Variants in SLC41A2 observed in about 807,000 individuals in gnomAD.
SLC41A2 encodes solute carrier family 41 member 2.
A neutral mutation model predicts 58.3 loss-of-function variants in SLC41A2; 32 were observed. The ratio of observed to expected loss-of-function variants is 0.55; its 90% CI spans 0.41 to 0.74. SLC41A2 has a LOEUF of 0.74. Ranked by LOEUF, SLC41A2 falls within the 30% of genes least tolerant of loss-of-function variation. The probability of loss-of-function intolerance (pLI) is 0.00; values close to 1 mark genes in which losing one functional copy is unlikely to be tolerated. For synonymous variants in SLC41A2, 190 were observed against 235.0 expected, an observed-to-expected ratio of 0.81 and a Z score of 1.75; for missense variants, 514 against 680.6, an observed-to-expected ratio of 0.76 and a Z score of 2.72.
chr12:104,819,089 A>G (rs2041529228), intron 10 of SLC41A2, among the ~76,000 whole-genome samples: 1 of 152,030 alleles, frequency 6.6e-6, no homozygotes, highest in African/African-American at 2.4e-5. Context: ...TTTTTTTTCA[A>G]ACGCATAGGT....
At chr12:104,867,096 G>A (rs1351109638) in intron 6 of SLC41A2, among the ~76,000 whole-genome samples, 2 of 152,006 alleles carry the variant, frequency 1.3e-5, no homozygotes, top group South Asian at 2.1e-4. Context: ...AGGTAAATAG[G>A]ATATTATTTT....
chr12:104,919,327 G>C lies in SLC41A2; in HGVS notation c.555+8646C>G, dbSNP rs562665050. On this transcript the variant is annotated intron_variant, in intron 2 of 10. Coordinates refer to ENST00000258538, the MANE Select transcript of SLC41A2 (RefSeq NM_001352171.3). ...AACCATTCTTGTAGAGGATTTGTAT[G>C]AACATAAGTCTGCATTCTCTGGGGA... Among the ~76,000 whole-genome samples the C allele has an allele frequency of 4.1e-4, 62 of 152,320 alleles. 1 individual carries two copies. In the South Asian group the frequency reaches 0.013, roughly 32 times the overall value.
At chr12:104,865,466 C>A (rs10861282) in intron 7 of SLC41A2, among the ~76,000 whole-genome samples, 70,127 of 151,954 alleles carry the variant, frequency 0.46, 16,594 homozygotes, top group Middle Eastern at 0.53. Flanking sequence ...CAATCTTCCT[C>A]ATTGCAGCTT....
At chr12:104,806,735 T>G (rs1032016238) in intron 10 of SLC41A2, among the ~76,000 whole-genome samples, 7 of 152,052 alleles carry the variant, frequency 4.6e-5, no homozygotes, top group Non-Finnish European at 8.8e-5. Context: ...TGTTGTTTCC[T>G]GACTTTTTAA....
intron 4 of SLC41A2, 56 bp from the exon 5 acceptor site, chr12:104,889,233 C>G (rs1217458435): frequency 1.6e-5 from 24 of 1,506,670 alleles, no homozygotes; most frequent in Non-Finnish European, 2.1e-5. Context: ...CACATTTAAA[C>G]ATTTTGATTA....
intron 3 of SLC41A2, among the ~76,000 whole-genome samples, chr12:104,902,920 A>G (rs933238137): frequency 6.6e-6 from 1 of 152,190 alleles, no homozygotes; most frequent in Non-Finnish European, 1.5e-5. Flanking sequence ...CAAACTTGAG[A>G]TCTAGTTCTC....
At chr12:104,958,523 G>A (rs917477761), upstream of SLC41A2, 7 of 152,300 alleles carry the variant, frequency 4.6e-5, no homozygotes, top group Non-Finnish European at 1.0e-4. Context: ...AGTTTTCTGG[G>A]GAGCCTGCCC....
chr12:104,885,783 A>AT (rs917161733), intron 6 of SLC41A2, among the ~76,000 whole-genome samples: 4 of 151,024 alleles, frequency 2.6e-5, no homozygotes, highest in Non-Finnish European at 4.4e-5. Flanking sequence ...TTTTGTGGTG[A>AT]TTTTTTTTTC....
chr12:104,919,995 A>G (rs1171070008), intron 2 of SLC41A2, among the ~76,000 whole-genome samples: 1 of 152,210 alleles, frequency 6.6e-6, no homozygotes, highest in Admixed American at 6.5e-5. Flanking sequence ...TTTTCTATAA[A>G]GCACGAGACT....
intron 2 of SLC41A2, among the ~76,000 whole-genome samples, chr12:104,913,753 TC>T (rs1489083424): frequency 6.6e-6 from 1 of 152,132 alleles, no homozygotes; most frequent in Non-Finnish European, 1.5e-5. Flanking sequence ...AGCTCTCCTT[TC>T]CAAATTTATG....
rs7296941 is a variant in SLC41A2 at position 104,862,958 on chromosome 12, T to A, written c.1176-1588A>T. 8.8e-3 allele frequency among the ~76,000 whole-genome samples: 1,330 copies of A among 151,984 alleles called. 11 individuals are homozygous for A. The highest frequency in any genetic ancestry group is 0.013 in the Non-Finnish European group (917 of 67,980). On this transcript the variant is annotated intron_variant, in intron 7 of 10. Transcript: ENST00000258538. ...ACACTGTTATAAACTATCACCACCA[T>A]GTTGTACAATAAATCTCTTGAATAT... is the stretch of plus-strand genomic sequence containing the variant.
At chr12:104,912,167 T>C (rs1210211130) in intron 2 of SLC41A2, among the ~76,000 whole-genome samples, 1 of 152,214 alleles carries the variant, frequency 6.6e-6, no homozygotes, top group Non-Finnish European at 1.5e-5. Context: ...GCTGTGATAC[T>C]GCGAAGCATA....
chr12:104,934,110 C>A (rs1234224117), intron 1 of SLC41A2, among the ~76,000 whole-genome samples: 1 of 151,738 alleles, frequency 6.6e-6, no homozygotes, highest in Admixed American at 6.6e-5. Context: ...TTAAAATGGG[C>A]ATTGTGCATA....
intron 1 of SLC41A2, among the ~76,000 whole-genome samples, chr12:104,948,718 T>C (rs1483868249): frequency 6.6e-6 from 1 of 152,226 alleles, no homozygotes; most frequent in Non-Finnish European, 1.5e-5. Flanking sequence ...TACACAGCCA[T>C]GGGCACAAGG....
chr12:104,927,811 C>A (rs576993213), intron 2 of SLC41A2, among the ~76,000 whole-genome samples, 162 bp downstream of exon 2: 1 of 152,204 alleles, frequency 6.6e-6, no homozygotes, highest in African/African-American at 2.4e-5. Context: ...AAAACTCCCA[C>A]CTAGAAATAG....
chr12:104,854,567 A>AAAC (rs1314598456), intron 8 of SLC41A2, among the ~76,000 whole-genome samples: 2 of 105,698 alleles, frequency 1.9e-5, no homozygotes, highest in Non-Finnish European at 2.1e-5. Context: ...CGTCTCAAAA[A>AAAC]AACAAAAAAA....
intron 3 of SLC41A2, among the ~76,000 whole-genome samples, chr12:104,899,524 C>T (rs1309019595): frequency 6.6e-6 from 1 of 152,144 alleles, no homozygotes; most frequent in Non-Finnish European, 1.5e-5. Context: ...CCTCATCTCT[C>T]TGCTTGGTTC....
chr12:104,931,617 G>T (rs2047055848), intron 1 of SLC41A2: 1 of 152,192 alleles, frequency 6.6e-6, no homozygotes. Flanking sequence ...ATTAAACAAA[G>T]AATAAATGAC....
chr12:104,864,165 T>C (rs2043325304), intron 7 of SLC41A2, among the ~76,000 whole-genome samples: 1 of 152,122 alleles, frequency 6.6e-6, no homozygotes. Flanking sequence ...GCAATCTACA[T>C]TACAGAAAAA....
Sources: allele counts gnomAD v4.1 joint callset (sites outside exome capture counted in the v4.1 genomes callset), GRCh38; gene constraint gnomAD v4.1.1; transcripts MANE v1.5; gene names NCBI Gene and HGNC (gene_info 2026-07-23, HGNC 2026-07-21).